The following FAM91A1 variants were observed in gnomAD, a reference collection of about 807,000 sequenced individuals.
The protein encoded by FAM91A1 is family with sequence similarity 91 member A1.
Under a neutral mutation model 113.5 loss-of-function variants are expected in FAM91A1, and 41 were observed. The ratio of observed to expected loss-of-function variants is 0.36; its 90% confidence interval spans 0.28 to 0.47. FAM91A1 has a LOEUF of 0.47. FAM91A1 is among the 20% of genes least tolerant of loss of function. The probability of loss-of-function intolerance (pLI) is 1.00; values close to 1 mark genes in which losing one functional copy is unlikely to be tolerated. For synonymous variants in FAM91A1, 307 were observed against 347.9 expected (o/e 0.88, Z 1.31); for missense variants, 696 against 1,001.2 (o/e 0.70, Z 4.11).
At position 123,798,182 on chromosome 8, in the gene FAM91A1, G is replaced by C. The variant is rs1412697490; in HGVS notation, c.1504G>C (p.Val502Leu). The C allele has an allele frequency of 1.2e-6, 2 of 1,613,936 alleles. No homozygotes were observed. Among genetic ancestry groups the C allele is most frequent in the Admixed American group, 1.7e-5 (1 of 59,996 alleles). The change falls in exon 16 of 24, where the codon GTT (valine) becomes CTT (leucine). Residue 502 changes from valine (V) to leucine (L), a missense_variant. Physicochemically the swap from Val to Leu is conservative, Grantham distance 32. Coordinates refer to ENST00000334705, the MANE Select transcript of FAM91A1 (RefSeq NM_144963.4). ...TCTAAACAAAAATTACACGCTGCTTGTTTCCATGGCTCCCCTCACCAATGA... is the reference window on the plus strand; with the variant it reads ...TCTAAACAAAAATTACACGCTGCTTCTTTCCATGGCTCCCCTCACCAATGA... ...RVLNKNYTLL[V>L]SMAPLTNEIR...
At chr8:123,798,279 G>A (rs1343239205) in intron 16 of FAM91A1, 41 bp downstream of exon 16, 5 of 1,592,600 alleles carry the variant, frequency 3.1e-6, no homozygotes, top group Non-Finnish European at 4.3e-6. Flanking sequence ...AGTGTCATGA[G>A]TCCCATCAGT....
intron 23 of FAM91A1, 184 bp downstream of exon 23, chr8:123,810,535 C>G (rs775025661): frequency 4.4e-6 from 3 of 681,926 alleles, no homozygotes; most frequent in Non-Finnish European, 7.8e-6. Flanking sequence ...GCCAGGTCTT[C>G]GGAGACCAAA....
At chr8:123,772,203 A>G (rs1315949925) in intron 1 of FAM91A1, among the ~76,000 whole-genome samples, 2 of 152,220 alleles carry the variant, frequency 1.3e-5, no homozygotes, top group East Asian at 3.9e-4. Flanking sequence ...AGGACCAGTT[A>G]TTACTTAATG....
chr8:123,798,320 C>T, intron 16 of FAM91A1, 82 bp downstream of exon 16: 1 of 1,442,502 alleles, frequency 6.9e-7, no homozygotes. Context: ...CAGATACCAA[C>T]TATTAAAATC....
intron 15 of FAM91A1, among the ~76,000 whole-genome samples, chr8:123,796,226 G>C (rs1815516060): frequency 6.6e-6 from 1 of 152,146 alleles, no homozygotes; most frequent in Non-Finnish European, 1.5e-5. Flanking sequence ...AGGATTGTCT[G>C]CTCTATGGAA....
intron 23 of FAM91A1, 110 bp from the exon 24 acceptor site, chr8:123,812,408 TG>T: frequency 2.6e-6 from 2 of 773,994 alleles, no homozygotes; most frequent in East Asian, 2.9e-5. Context: ...TGTACTGCTT[TG>T]CAATCCATAA....
chr8:123,782,649 T>G (rs1022425035), intron 8 of FAM91A1, among the ~76,000 whole-genome samples: 1 of 152,230 alleles, frequency 6.6e-6, no homozygotes, highest in African/African-American at 2.4e-5. Context: ...ACTTTTGTCG[T>G]ATATATTTAA....
chr8:123,769,877 T>G (rs1422270543), intron 1 of FAM91A1, among the ~76,000 whole-genome samples: 3 of 152,242 alleles, frequency 2.0e-5, no homozygotes, highest in Admixed American at 1.3e-4. Flanking sequence ...AGTTTTCTGT[T>G]GGCACTCGGC....
rs1815550586 is a variant in FAM91A1 at position 123,797,335 on chromosome 8, G to A, written c.1412-755G>A. 2.0e-5 allele frequency among the ~76,000 whole-genome samples: 3 copies of A among 152,228 alleles called. No homozygotes were observed. In the South Asian group the frequency reaches 6.2e-4, roughly 32 times the overall value. The stretch of plus-strand genomic sequence containing the variant: ...TTGGTACTGTATAGAGACATTTTTA[G>A]ATACATTAAGAAACAAGAAAGTTAG... On this transcript the variant is annotated intron_variant, in intron 15 of 23. Transcript: ENST00000334705.
intron 2 of FAM91A1, 119 bp from the exon 3 acceptor site, chr8:123,775,028 G>T: frequency 1.0e-6 from 1 of 963,028 alleles, no homozygotes; most frequent in Non-Finnish European, 1.4e-6. Context: ...TATTTTATTT[G>T]TTCTCTTGTA....
chr8:123,809,038 C>A (rs1387924517), intron 22 of FAM91A1, 22 bp downstream of exon 22: 5 of 1,604,344 alleles, frequency 3.1e-6, no homozygotes, highest in African/African-American at 1.3e-5. Context: ...TATTCGCTGT[C>A]ATATTTTCAT....
chr8:123,780,057 G>C lies in FAM91A1; in HGVS notation c.622G>C (p.Asp208His). The C allele has an allele frequency of 6.2e-7, 1 of 1,613,306 alleles. No individual in the cohort carries two copies. Among genetic ancestry groups the C allele is most frequent in the Non-Finnish European group, 8.5e-7 (1 of 1,179,466 alleles). Residue 208 changes from aspartate to histidine, a missense_variant, in exon 7 of 24, where the codon GAT becomes CAT. Transcript: ENST00000334705. ...AGGCCCTCAACTCTCTGGATCACTA[G>C]ATTACAATGTAGTACATAGTAAGTG... ...DSGPQLSGSL[D>H]YNVVHSLYNK... is the part of the protein sequence containing the mutation.
chr8:123,773,142 C>T (rs527288194), intron 1 of FAM91A1, among the ~76,000 whole-genome samples: 5 of 152,308 alleles, frequency 3.3e-5, no homozygotes, highest in East Asian at 3.9e-4. Flanking sequence ...ATATTACCTA[C>T]CAATGGGTCC....
chr8:123,797,752 G>C (rs866461494), intron 15 of FAM91A1, among the ~76,000 whole-genome samples: 13 of 152,322 alleles, frequency 8.5e-5, no homozygotes, highest in Admixed American at 1.3e-4. Flanking sequence ...CACGGCGTCA[G>C]CCTCTGTAAC....
chr8:123,789,996 GTTAA>G (rs1432925730), intron 15 of FAM91A1, among the ~76,000 whole-genome samples: 4 of 152,120 alleles, frequency 2.6e-5, no homozygotes, highest in African/African-American at 7.2e-5. Flanking sequence ...AAGTGTTGGT[GTTAA>G]TTTATTTAAG....
chr8:123,799,503 C>T lies in FAM91A1; in HGVS notation c.1561-17C>T, dbSNP rs1815623238. ...ACACTTTATTTTAACTTTATCTTAA[C>T]TGTTTTATGATTGTAGCATATTGGA... On this transcript the variant is annotated splice_polypyrimidine_tract_variant and intron_variant, in intron 16 of 23. Coordinates refer to ENST00000334705, the MANE Select transcript of FAM91A1 (RefSeq NM_144963.4). 3 of 1,602,242 alleles carry T rather than the reference C, an allele frequency of 1.9e-6. No homozygotes were observed. Among genetic ancestry groups the T allele is most frequent in the Non-Finnish European group, 2.6e-6 (3 of 1,176,462 alleles).
rs1814950210 is a variant in FAM91A1, at chr8:123,775,141, G to T, written c.158-6G>T. Reference sequence around the variant, plus strand: ...AAAAACTGGAGAATTTCCCTCTTTTGTGCAGTTAAACATGTCAAGAAAGAT... The same window carrying T: ...AAAAACTGGAGAATTTCCCTCTTTTTTGCAGTTAAACATGTCAAGAAAGAT... On this transcript the variant is annotated splice_region_variant and splice_polypyrimidine_tract_variant and intron_variant, in intron 2 of 23. Coordinates refer to ENST00000334705, the MANE Select transcript of FAM91A1 (RefSeq NM_144963.4). 1 of 1,583,290 alleles carries T rather than the reference G, an allele frequency of 6.3e-7. No homozygotes were observed. Among genetic ancestry groups the T allele is most frequent in the African/African-American group, 1.4e-5 (1 of 73,792 alleles).
At chr8:123,785,569 A>T in intron 10 of FAM91A1, 60 bp from the exon 11 acceptor site, 1 of 1,151,444 alleles carries the variant, frequency 8.7e-7, no homozygotes, top group Non-Finnish European at 1.3e-6. Context: ...TTTTCTCTAC[A>T]AATATTGTGA....
At position 123,779,466 on chromosome 8, in the gene FAM91A1, G is replaced by A. The variant is rs143609510; in HGVS notation, c.550-519G>A. On this transcript the variant is annotated intron_variant, in intron 6 of 23. Coordinates refer to ENST00000334705, the MANE Select transcript of FAM91A1 (RefSeq NM_144963.4). ...CCTAGAGACCAGGTTGTATTTATGC[G>A]TAGCTGAAGCAATGGAAATGAGTAT... Among the ~76,000 whole-genome samples the A allele has an allele frequency of 2.5e-4, 38 of 152,300 alleles. No individual in the cohort carries two copies. The East Asian group carries it at 2.9e-3, about 12-fold the overall frequency.
Sources: gnomAD v4.1 joint callset for allele counts (sites outside exome capture counted in the v4.1 genomes callset) on GRCh38, gnomAD v4.1.1 for gene constraint, MANE v1.5 for transcripts, NCBI Gene and HGNC (gene_info 2026-07-23, HGNC 2026-07-21) for gene names.